Variants in EPHA6 observed in about 807,000 individuals in gnomAD.
EPHA6 encodes ephrin type-A receptor 6.
Under a neutral mutation model 112.0 loss-of-function variants are expected in EPHA6, and 50 were observed. That is an observed-to-expected ratio of 0.45 (90% CI 0.36 to 0.56). The LOEUF is 0.56. Among genes scored for constraint, EPHA6 ranks in the 20% least tolerant of loss-of-function variants. EPHA6 has a pLI of 0.00. For missense variants in EPHA6, 1,280 were observed against 1,417.4 expected (o/e 0.90, Z 1.56); for synonymous variants, 529 against 490.7 (o/e 1.08, Z -1.03).
At chr3:97,454,090 T>C (rs527807457) in intron 7 of EPHA6, among the ~76,000 whole-genome samples, 1 of 151,920 alleles carries the variant, frequency 6.6e-6, no homozygotes, top group African/African-American at 2.4e-5. Context: ...CTTCATCATA[T>C]CTAAGATTCT....
chr3:97,136,836 A>G (rs1033694189), intron 3 of EPHA6, among the ~76,000 whole-genome samples: 1 of 152,234 alleles, frequency 6.6e-6, no homozygotes, highest in African/African-American at 2.4e-5. Flanking sequence ...AGATACCTTC[A>G]TATAAAAATA....
chr3:97,241,912 A>G (rs909846563), intron 4 of EPHA6, among the ~76,000 whole-genome samples: 7 of 151,622 alleles, frequency 4.6e-5, no homozygotes, highest in Non-Finnish European at 8.9e-5. Context: ...AAGACCAACC[A>G]TATGAATATG....
At chr3:97,082,952 A>C (rs2108204411) in intron 3 of EPHA6, among the ~76,000 whole-genome samples, 1 of 152,032 alleles carries the variant, frequency 6.6e-6, no homozygotes, top group East Asian at 1.9e-4. Flanking sequence ...CTCATGCCAC[A>C]GATATTTCAA....
chr3:97,055,243 A>G (rs1373196062), intron 3 of EPHA6, among the ~76,000 whole-genome samples: 1 of 152,120 alleles, frequency 6.6e-6, no homozygotes, highest in African/African-American at 2.4e-5. Context: ...TTAACAAACA[A>G]ACTTCCCAAG....
At chr3:97,424,318 C>T (rs1206748593) in intron 6 of EPHA6, among the ~76,000 whole-genome samples, 1 of 152,160 alleles carries the variant, frequency 6.6e-6, no homozygotes, top group Non-Finnish European at 1.5e-5. Flanking sequence ...GGTGGGGACA[C>T]AGCCAAACCA....
At chr3:97,327,529 G>A (rs1024795072) in intron 5 of EPHA6, among the ~76,000 whole-genome samples, 9 of 151,632 alleles carry the variant, frequency 5.9e-5, no homozygotes, top group Non-Finnish European at 1.3e-4. Context: ...TTATAAAATT[G>A]TATCACCTAT....
intron 2 of EPHA6, among the ~76,000 whole-genome samples, chr3:96,882,728 G>C (rs2037387622): frequency 7.0e-6 from 1 of 142,654 alleles, no homozygotes; most frequent in Non-Finnish European, 1.5e-5. Context: ...TCCATTGTGT[G>C]TCTGTGTGTG....
chr3:97,620,357 G>T (rs1390086839), intron 13 of EPHA6, among the ~76,000 whole-genome samples: 3 of 152,040 alleles, frequency 2.0e-5, no homozygotes, highest in South Asian at 4.2e-4. Context: ...GATAGGCACG[G>T]CCAAAAATTT....
chr3:97,600,654 A>T (rs1437194884), intron 12 of EPHA6, among the ~76,000 whole-genome samples: 1 of 152,068 alleles, frequency 6.6e-6, no homozygotes, highest in Non-Finnish European at 1.5e-5. Context: ...TCATGTATGT[A>T]AGTGTTTACA....
intron 5 of EPHA6, among the ~76,000 whole-genome samples, chr3:97,246,207 A>G (rs2078982343): frequency 1.3e-5 from 2 of 151,960 alleles, no homozygotes; most frequent in South Asian, 2.1e-4. Context: ...GAAGGTTTTT[A>G]TTGCCTCAAC....
At chr3:97,678,511 C>A (rs1405081060) in intron 14 of EPHA6, among the ~76,000 whole-genome samples, 8 of 152,094 alleles carry the variant, frequency 5.3e-5, no homozygotes, top group Non-Finnish European at 7.4e-5. Context: ...ATTCTTAATG[C>A]ATATTGTGGA....
intron 11 of EPHA6, among the ~76,000 whole-genome samples, chr3:97,574,956 C>G (rs1413205767): frequency 6.6e-6 from 1 of 151,912 alleles, no homozygotes; most frequent in African/African-American, 2.4e-5. Context: ...AAGCCCAAAC[C>G]TCTACATTAT....
intron 13 of EPHA6, among the ~76,000 whole-genome samples, chr3:97,633,185 G>C (rs940610259): frequency 6.6e-6 from 1 of 151,968 alleles, no homozygotes; most frequent in Admixed American, 6.6e-5. Flanking sequence ...GAAACAGCAG[G>C]CATTATTATA....
intron 15 of EPHA6, 66 bp downstream of exon 15, chr3:97,720,476 A>G: frequency 7.0e-7 from 1 of 1,423,974 alleles, no homozygotes; most frequent in Non-Finnish European, 9.5e-7. Context: ...AGGGGGAATT[A>G]TGCCTTTTGT....
chr3:97,501,241 A>G (rs2092108955), intron 10 of EPHA6, among the ~76,000 whole-genome samples: 1 of 152,184 alleles, frequency 6.6e-6, no homozygotes, highest in Non-Finnish European at 1.5e-5. Context: ...TGAATGATAC[A>G]ACTTAAAAAA....
chr3:97,457,713 G>A (rs2090735956), intron 7 of EPHA6, among the ~76,000 whole-genome samples: 1 of 151,970 alleles, frequency 6.6e-6, no homozygotes, highest in African/African-American at 2.4e-5. Context: ...AATACTGAAT[G>A]GACAAATGTT....
At chr3:97,528,353 T>C (rs1394053406) in intron 10 of EPHA6, among the ~76,000 whole-genome samples, 1 of 152,082 alleles carries the variant, frequency 6.6e-6, no homozygotes, top group East Asian at 1.9e-4. Flanking sequence ...CTAAATTAGA[T>C]GGGTTGGTCA....
At chr3:97,431,417 T>C (rs1577380983) in intron 6 of EPHA6, among the ~76,000 whole-genome samples, 1 of 152,232 alleles carries the variant, frequency 6.6e-6, no homozygotes, top group East Asian at 1.9e-4. Flanking sequence ...GAATAGAATA[T>C]AAATTAATTG....
At chr3:97,302,477 G>A (rs1559864092) in intron 5 of EPHA6, among the ~76,000 whole-genome samples, 1 of 140,602 alleles carries the variant, frequency 7.1e-6, no homozygotes, top group Admixed American at 7.1e-5. Flanking sequence ...AACCTCAGGT[G>A]TTTTTTTTTT....
Sources: allele counts gnomAD v4.1 joint callset (sites outside exome capture counted in the v4.1 genomes callset), GRCh38; gene constraint gnomAD v4.1.1; transcripts MANE v1.5; gene names NCBI Gene and HGNC (gene_info 2026-07-23, HGNC 2026-07-21).